TANC2: variants seen among roughly 807,000 people sequenced by gnomAD.
TANC2 encodes the protein protein TANC2.
TANC2 carries 26 observed loss-of-function variants against 210.5 expected under a neutral mutation model. The ratio of observed to expected loss-of-function variants is 0.12; its 90% confidence interval spans 0.09 to 0.17. The LOEUF (loss-of-function observed/expected upper bound fraction) is 0.17. Ranked by LOEUF, TANC2 falls within the 10% of genes least tolerant of loss-of-function variation. The pLI, the probability that TANC2 is intolerant of heterozygous loss-of-function variation, is 1.00. For synonymous variants in TANC2, 931 were observed against 967.1 expected (o/e 0.96, Z 0.69); for missense variants, 2,129 against 2,608.9 (o/e 0.82, Z 4.01).
At chr17:63,307,188 C>G (rs2044943397) in intron 9 of TANC2, among the ~76,000 whole-genome samples, 1 of 152,124 alleles carries the variant, frequency 6.6e-6, no homozygotes, top group African/African-American at 2.4e-5. Flanking sequence ...TAAAGAACCA[C>G]TGGAGGGTTT....
At chr17:63,087,679 A>G (rs2037025327) in intron 3 of TANC2, among the ~76,000 whole-genome samples, 1 of 151,876 alleles carries the variant, frequency 6.6e-6, no homozygotes. Context: ...AGGAGATAAA[A>G]CTCACAAAAG....
intron 11 of TANC2, chr17:63,332,144 C>A: frequency 2.8e-6 from 1 of 350,992 alleles, no homozygotes; most frequent in South Asian, 2.5e-5. Context: ...CTTTGTGCTT[C>A]TTTAAGATCA....
intron 2 of TANC2, among the ~76,000 whole-genome samples, chr17:63,019,796 C>G (rs1256968718): frequency 6.9e-6 from 1 of 145,466 alleles, no homozygotes; most frequent in Non-Finnish European, 1.5e-5. Context: ...CTCTTCATGT[C>G]TTTTGGCTGT....
At chr17:63,230,097 A>G (rs931594589) in intron 7 of TANC2, among the ~76,000 whole-genome samples, 21 of 152,126 alleles carry the variant, frequency 1.4e-4, no homozygotes, top group African/African-American at 5.1e-4. Context: ...TACCTGGCCC[A>G]GTTGTTTGTA....
At chr17:63,309,113 C>A (rs1043313443) in intron 9 of TANC2, among the ~76,000 whole-genome samples, 1 of 152,042 alleles carries the variant, frequency 6.6e-6, no homozygotes, top group Admixed American at 6.6e-5. Flanking sequence ...TTGGTAGATA[C>A]ACCATAGTTT....
intron 1 of TANC2, among the ~76,000 whole-genome samples, chr17:62,986,403 C>T (rs901190531): frequency 3.9e-5 from 6 of 152,166 alleles, no homozygotes; most frequent in African/African-American, 1.4e-4. Flanking sequence ...AAGCACACAC[C>T]TGCTTGGCTG....
chr17:63,085,158 G>C (rs928554154), intron 3 of TANC2, among the ~76,000 whole-genome samples: 1 of 152,058 alleles, frequency 6.6e-6, no homozygotes, highest in Admixed American at 6.6e-5. Context: ...ATTCTCTCTT[G>C]TTACATACTC....
chr17:63,409,181 C>T (rs1230774697), intron 21 of TANC2, among the ~76,000 whole-genome samples: 1 of 151,792 alleles, frequency 6.6e-6, no homozygotes, highest in East Asian at 1.9e-4. Flanking sequence ...TTGTTTTTGT[C>T]TTTTTTTAGA....
intron 3 of TANC2, among the ~76,000 whole-genome samples, chr17:63,085,786 G>A (rs138607738): frequency 5.8e-4 from 89 of 152,174 alleles, no homozygotes; most frequent in African/African-American, 2.1e-3. Context: ...AACAACTTAT[G>A]TGTTAGAACA....
chr17:63,125,745 A>G (rs1453956006), intron 4 of TANC2, among the ~76,000 whole-genome samples: 1 of 152,238 alleles, frequency 6.6e-6, no homozygotes, highest in Non-Finnish European at 1.5e-5. Context: ...AAAAAGTATG[A>G]TAAATATATT....
At chr17:63,180,842 G>A (rs753018477) in intron 5 of TANC2, among the ~76,000 whole-genome samples, 1 of 151,690 alleles carries the variant, frequency 6.6e-6, no homozygotes, top group African/African-American at 2.4e-5. Context: ...TGGCCAACAT[G>A]GTGAAACCGT....
intron 8 of TANC2, among the ~76,000 whole-genome samples, chr17:63,248,412 G>A (rs1306937410): frequency 2.0e-5 from 3 of 152,032 alleles, no homozygotes; most frequent in Admixed American, 2.0e-4. Flanking sequence ...GTAATAAAAA[G>A]CCTTATTCAG....
At chr17:63,035,935 G>C (rs774317058) in intron 2 of TANC2, among the ~76,000 whole-genome samples, 5 of 152,082 alleles carry the variant, frequency 3.3e-5, no homozygotes, top group Non-Finnish European at 5.9e-5. Context: ...GTTTTAATTT[G>C]CATTTCTCTG....
At chr17:63,038,830 A>G (rs1568336365) in intron 2 of TANC2, among the ~76,000 whole-genome samples, 1 of 152,160 alleles carries the variant, frequency 6.6e-6, no homozygotes, top group Non-Finnish European at 1.5e-5. Context: ...CTTTAGCCTT[A>G]ACCTCTCTGT....
chr17:63,047,280 C>T (rs961991133), intron 2 of TANC2, among the ~76,000 whole-genome samples: 17 of 152,100 alleles, frequency 1.1e-4, no homozygotes, highest in Non-Finnish European at 1.8e-4. Context: ...CCTTATAGAT[C>T]GTGTTCAATT....
chr17:63,293,082 T>G (rs1044856823), intron 9 of TANC2, among the ~76,000 whole-genome samples: 1 of 152,166 alleles, frequency 6.6e-6, no homozygotes, highest in African/African-American at 2.4e-5. Flanking sequence ...AGGACCTGAT[T>G]CAAATTGCTT....
intron 2 of TANC2, among the ~76,000 whole-genome samples, chr17:63,017,462 G>T (rs540239122): frequency 6.6e-6 from 1 of 151,972 alleles, no homozygotes; most frequent in African/African-American, 2.4e-5. Context: ...CTGTTCTGTT[G>T]TATAGGATTT....
At chr17:63,309,577 C>T (rs1175456142) in intron 9 of TANC2, among the ~76,000 whole-genome samples, 2 of 151,988 alleles carry the variant, frequency 1.3e-5, no homozygotes, top group African/African-American at 2.4e-5. Flanking sequence ...AAATAATTAT[C>T]TGTCTTTGGT....
At chr17:63,269,346 A>G (rs9895708) in intron 9 of TANC2, among the ~76,000 whole-genome samples, 34,501 of 151,974 alleles carry the variant, frequency 0.23, 4,025 homozygotes, top group South Asian at 0.31. Context: ...ATCAAGCACT[A>G]TTTTAGACTA....
Sources: allele counts gnomAD v4.1 joint callset (sites outside exome capture counted in the v4.1 genomes callset), GRCh38; gene constraint gnomAD v4.1.1; transcripts MANE v1.5; gene names NCBI Gene and HGNC (gene_info 2026-07-23, HGNC 2026-07-21).